Variants in FHIT observed in about 807,000 individuals in gnomAD.
FHIT encodes the protein bis(5'-adenosyl)-triphosphatase.
Under a neutral mutation model 17.9 loss-of-function variants are expected in FHIT, and 19 were observed. The ratio of observed to expected loss-of-function variants is 1.06; its 90% CI spans 0.74 to 1.56. The LOEUF is 1.56. Ranked by LOEUF, FHIT falls within the 40% of genes most tolerant of loss-of-function variation. The pLI, the probability that FHIT is intolerant of heterozygous loss-of-function variation, is 0.00. For synonymous variants in FHIT, 81 were observed against 69.7 expected, an observed-to-expected ratio of 1.16 and a Z score of -0.81; for missense variants, 248 against 189.2, an observed-to-expected ratio of 1.31 and a Z score of -1.82.
intron 5 of FHIT, among the ~76,000 whole-genome samples, chr3:60,277,427 C>T (rs758117086): frequency 1.3e-5 from 2 of 152,186 alleles, no homozygotes; most frequent in Non-Finnish European, 2.9e-5. Flanking sequence ...TGAATGCCAG[C>T]AGTTGTGCCA....
intron 4 of FHIT, among the ~76,000 whole-genome samples, chr3:60,661,701 C>T (rs1173697206): frequency 1.3e-5 from 2 of 152,116 alleles, no homozygotes; most frequent in African/African-American, 4.8e-5. Flanking sequence ...TCACCACATC[C>T]CCACCAACAT....
chr3:60,523,076 C>T (rs1487660855), intron 5 of FHIT, among the ~76,000 whole-genome samples: 4 of 152,112 alleles, frequency 2.6e-5, no homozygotes, highest in Non-Finnish European at 4.4e-5. Context: ...TCTCGTGAGA[C>T]TTATTCATTA....
chr3:59,937,945 C>T (rs1318290869), intron 7 of FHIT, among the ~76,000 whole-genome samples: 1 of 152,124 alleles, frequency 6.6e-6, no homozygotes, highest in Non-Finnish European at 1.5e-5. Context: ...ACGTCAAAGT[C>T]ACACATTTAA....
At chr3:59,975,970 T>C (rs1575800642) in intron 7 of FHIT, among the ~76,000 whole-genome samples, 1 of 152,204 alleles carries the variant, frequency 6.6e-6, no homozygotes, top group African/African-American at 2.4e-5. Flanking sequence ...CCAGACAACC[T>C]AGGTGATTAG....
At chr3:60,442,614 C>T (rs538537469) in intron 5 of FHIT, among the ~76,000 whole-genome samples, 2 of 152,106 alleles carry the variant, frequency 1.3e-5, no homozygotes, top group African/African-American at 4.8e-5. Flanking sequence ...AGGGCTCTGT[C>T]CTGTCCCATT....
chr3:59,837,444 G>A (rs1349077167), intron 8 of FHIT, among the ~76,000 whole-genome samples: 1 of 152,078 alleles, frequency 6.6e-6, no homozygotes, highest in Non-Finnish European at 1.5e-5. Flanking sequence ...GGAAAGAAAA[G>A]CCTGCACTTG....
At chr3:61,027,659 T>A (rs1159397102) in intron 3 of FHIT, among the ~76,000 whole-genome samples, 1 of 152,166 alleles carries the variant, frequency 6.6e-6, no homozygotes, top group African/African-American at 2.4e-5. Context: ...CACACACAAA[T>A]GGAGAACCCA....
chr3:61,005,164 A>G (rs1354041142), intron 3 of FHIT, among the ~76,000 whole-genome samples: 1 of 152,172 alleles, frequency 6.6e-6, no homozygotes, highest in Non-Finnish European at 1.5e-5. Flanking sequence ...TGAAGCTCAG[A>G]TATGTTGCCT....
At chr3:60,005,785 C>T (rs957929177) in intron 7 of FHIT, among the ~76,000 whole-genome samples, 3 of 152,186 alleles carry the variant, frequency 2.0e-5, no homozygotes, top group Non-Finnish European at 4.4e-5. Flanking sequence ...AATCACATCT[C>T]TCTTGGAGTG....
chr3:60,055,883 A>C (rs939779014), intron 5 of FHIT, among the ~76,000 whole-genome samples: 2 of 152,190 alleles, frequency 1.3e-5, no homozygotes, highest in African/African-American at 4.8e-5. Flanking sequence ...CGAAGGTACC[A>C]AACAAGTGGC....
chr3:60,624,087 G>A (rs782340914), intron 4 of FHIT, among the ~76,000 whole-genome samples: 9 of 152,176 alleles, frequency 5.9e-5, no homozygotes, highest in Non-Finnish European at 1.3e-4. Context: ...TTTAATCCAT[G>A]CCTAAGTGGA....
chr3:60,260,402 T>C (rs539357341), intron 5 of FHIT, among the ~76,000 whole-genome samples: 2 of 149,670 alleles, frequency 1.3e-5, no homozygotes, highest in Non-Finnish European at 3.0e-5. Flanking sequence ...AAGTGTAAAA[T>C]ACAGAACTTA....
At chr3:60,621,002 T>G (rs915735357) in intron 4 of FHIT, among the ~76,000 whole-genome samples, 5 of 152,050 alleles carry the variant, frequency 3.3e-5, no homozygotes, top group African/African-American at 1.2e-4. Context: ...AATATATAAA[T>G]AGCCTTATAA....
chr3:60,428,773 T>G (rs1349091849), intron 5 of FHIT, among the ~76,000 whole-genome samples: 1 of 152,130 alleles, frequency 6.6e-6, no homozygotes, highest in Non-Finnish European at 1.5e-5. Flanking sequence ...GACATAAATG[T>G]CATCACTGAG....
rs75477422 is a variant in FHIT at position 60,062,588 on chromosome 3, T to G, written c.104-48436A>C. On this transcript the variant is annotated intron_variant, in intron 5 of 9. Transcript: ENST00000492590. ...TCTCCCAACCCAAAGATCACGATCT[T>G]TCTTCTACTGAAGTGCTGGATTTAT... Among the ~76,000 whole-genome samples, 906 of 152,306 alleles carry G rather than the reference T, an allele frequency of 5.9e-3. 10 individuals carry two copies. The highest frequency in any genetic ancestry group is 0.02 in the African/African-American group (823 of 41,572).
At chr3:61,169,573 T>C (rs1164113573) in intron 2 of FHIT, among the ~76,000 whole-genome samples, 3 of 152,218 alleles carry the variant, frequency 2.0e-5, no homozygotes, top group Non-Finnish European at 4.4e-5. Flanking sequence ...TGAATTTAGT[T>C]GGAAGTAATA....
At chr3:60,822,835 A>C (rs1282772235) in intron 3 of FHIT, among the ~76,000 whole-genome samples, 2 of 152,230 alleles carry the variant, frequency 1.3e-5, no homozygotes, top group Non-Finnish European at 2.9e-5. Flanking sequence ...CTTGCTGCTC[A>C]TAAATCACTC....
chr3:60,661,640 T>G (rs1445665626), intron 4 of FHIT, among the ~76,000 whole-genome samples: 1 of 152,180 alleles, frequency 6.6e-6, no homozygotes, highest in Non-Finnish European at 1.5e-5. Flanking sequence ...CTGTTTTCCA[T>G]AGTGGCTGCA....
chr3:60,505,738 T>C (rs2034702617), intron 5 of FHIT, among the ~76,000 whole-genome samples: 1 of 152,212 alleles, frequency 6.6e-6, no homozygotes, highest in South Asian at 2.1e-4. Flanking sequence ...CTGCTGATTA[T>C]CTTGGCCAAG....
Sources: allele counts gnomAD v4.1 joint callset (sites outside exome capture counted in the v4.1 genomes callset), GRCh38; gene constraint gnomAD v4.1.1; transcripts MANE v1.5; gene names NCBI Gene and HGNC (gene_info 2026-07-23, HGNC 2026-07-21).